TSC22D1: variants seen among roughly 807,000 people sequenced by gnomAD.
The protein encoded by TSC22D1 is TSC22 domain family member 1, also known as TSC22 domain family protein 1.
In TSC22D1, 9 loss-of-function variants were observed where a neutral mutation model predicts 74.2. The ratio of observed to expected loss-of-function variants is 0.12; its 90% CI spans 0.07 to 0.21. TSC22D1 has a LOEUF of 0.21. TSC22D1 is among the 10% of genes least tolerant of loss of function. The pLI, the probability that TSC22D1 is intolerant of heterozygous loss-of-function variation, is 1.00. For missense variants in TSC22D1, 1,427 were observed against 1,304.7 expected, an observed-to-expected ratio of 1.09 and a Z score of -1.44; for synonymous variants, 586 against 492.5, an observed-to-expected ratio of 1.19 and a Z score of -2.51.
intron 1 of TSC22D1, among the ~76,000 whole-genome samples, chr13:44,447,533 C>T (rs558055602): frequency 2.0e-5 from 3 of 151,816 alleles, no homozygotes; most frequent in East Asian, 1.9e-4. Flanking sequence ...CTCATATTAG[C>T]GTTAAAAGAT....
chr13:44,435,294 C>T (rs1051315948), intron 2 of TSC22D1: 2 of 168,418 alleles, frequency 1.2e-5, no homozygotes, highest in East Asian at 3.4e-4. Flanking sequence ...CAGTTCCTAC[C>T]GAACATGTTG....
intron 1 of TSC22D1, among the ~76,000 whole-genome samples, chr13:44,469,347 A>C (rs1877467351): frequency 6.6e-6 from 1 of 152,236 alleles, no homozygotes; most frequent in African/African-American, 2.4e-5. Flanking sequence ...AAAGTATTTA[A>C]ATTGTGGGCT....
chr13:44,488,956 A>G (rs138785510), intron 1 of TSC22D1, among the ~76,000 whole-genome samples: 13 of 152,214 alleles, frequency 8.5e-5, no homozygotes, highest in Admixed American at 2.0e-4. Context: ...TTTGTATGGA[A>G]GACCCCACAA....
At chr13:44,529,743 AG>A (rs1274787295) in intron 1 of TSC22D1, among the ~76,000 whole-genome samples, 2 of 152,152 alleles carry the variant, frequency 1.3e-5, no homozygotes, top group African/African-American at 2.4e-5. Flanking sequence ...GAAGAATATA[AG>A]GTTAGTACAC....
At chr13:44,476,370 AAATT>A (rs1162227160) in intron 1 of TSC22D1, among the ~76,000 whole-genome samples, 1 of 152,146 alleles carries the variant, frequency 6.6e-6, no homozygotes, top group Non-Finnish European at 1.5e-5. Flanking sequence ...ACAATTATAT[AAATT>A]ATTTGTAACT....
chr13:44,545,987 A>T (rs1264587832), intron 1 of TSC22D1, among the ~76,000 whole-genome samples: 1 of 151,120 alleles, frequency 6.6e-6, no homozygotes. Flanking sequence ...AAAAAAAAAA[A>T]TAAATAAATA....
chr13:44,554,357 A>C (rs1165058096), intron 1 of TSC22D1, among the ~76,000 whole-genome samples: 1 of 152,238 alleles, frequency 6.6e-6, no homozygotes, highest in Non-Finnish European at 1.5e-5. Flanking sequence ...TCGATAGTCC[A>C]GATGCATCAA....
chr13:44,449,385 T>TG (rs1875944017), intron 1 of TSC22D1, among the ~76,000 whole-genome samples: 1 of 152,212 alleles, frequency 6.6e-6, no homozygotes, highest in African/African-American at 2.4e-5. Flanking sequence ...GACAGTTCCT[T>TG]GCAAAGCCCT....
intron 1 of TSC22D1, among the ~76,000 whole-genome samples, chr13:44,458,666 GGCTTGGAAGGGCCCGAT>G (rs1876814033): frequency 6.6e-6 from 1 of 152,186 alleles, no homozygotes; most frequent in Non-Finnish European, 1.5e-5. Flanking sequence ...TTCCCCCACA[GGCTTGGAAGGGCCCGAT>G]CCTGCTCTCT....
chr13:44,563,529 C>A (rs575701539), intron 1 of TSC22D1, among the ~76,000 whole-genome samples: 1 of 152,292 alleles, frequency 6.6e-6, no homozygotes, highest in South Asian at 2.1e-4. Context: ...ATCATTAACT[C>A]CCCAATTCAA....
Position 44,573,909 on chromosome 13 carries a change from A to G in TSC22D1, c.2166T>C (p.Ala722=), listed in dbSNP as rs1233096077. ...TTGCAATCTGACTGCCAGTAGGTAC[A>G]GCAGACACTGCTGCCGGAGCCTGGC... The part of the protein sequence containing the change: ...PVGQAPAAVS[A]VPTGSQIANI... The change falls in exon 1 of 3, where the codon GCT becomes GCC. Residue 722 remains alanine, a synonymous_variant. Transcript: ENST00000458659. 3 of 1,614,188 alleles carry G rather than the reference A, an allele frequency of 1.9e-6. No homozygotes were observed. The highest frequency in any genetic ancestry group is 2.5e-6 in the Non-Finnish European group (3 of 1,180,044).
chr13:44,444,193 C>T (rs373836881), intron 1 of TSC22D1, among the ~76,000 whole-genome samples: 32 of 134,452 alleles, frequency 2.4e-4, no homozygotes, highest in African/African-American at 6.0e-4. Flanking sequence ...GCAGGAGAAT[C>T]GCTTGAACCT....
intron 1 of TSC22D1, among the ~76,000 whole-genome samples, chr13:44,553,420 T>G (rs192690077): frequency 6.6e-6 from 1 of 152,302 alleles, no homozygotes; most frequent in Non-Finnish European, 1.5e-5. Context: ...AAAATCCAGT[T>G]CAATGAATGT....
At chr13:44,487,341 A>G (rs779813504) in intron 1 of TSC22D1, among the ~76,000 whole-genome samples, 1 of 151,802 alleles carries the variant, frequency 6.6e-6, no homozygotes, top group Non-Finnish European at 1.5e-5. Flanking sequence ...TCTACTAAAA[A>G]TACAAAAATT....
intron 1 of TSC22D1, among the ~76,000 whole-genome samples, chr13:44,540,690 C>A (rs1312688752): frequency 2.0e-4 from 30 of 151,892 alleles, no homozygotes; most frequent in Non-Finnish European, 4.4e-5. Context: ...TAAGATATAC[C>A]CAAATTATAG....
At chr13:44,519,878 A>G (rs897857158) in intron 1 of TSC22D1, among the ~76,000 whole-genome samples, 6 of 152,156 alleles carry the variant, frequency 3.9e-5, no homozygotes, top group African/African-American at 1.4e-4. Context: ...GGACTAGATG[A>G]TGGATTATGG....
chr13:44,436,311 T>A (rs1874620120), intron 1 of TSC22D1: 2 of 928,110 alleles, frequency 2.2e-6, no homozygotes, highest in South Asian at 1.7e-5. Context: ...AGGACTAAAT[T>A]ACATAATGTG....
rs915541914 is a variant in TSC22D1, at chr13:44,537,754, T to C, written c.2912+35409A>G. On this transcript the variant is annotated intron_variant, in intron 1 of 2. Transcript: ENST00000458659. ...CCTTTAAACTTACTTTTAAATACTA[T>C]ACTTAACAAAAATTTATTTATAATT... is the stretch of plus-strand genomic sequence containing the variant. The C allele has an allele frequency of 5.1e-6, 5 of 980,834 alleles. No homozygotes were observed. In the African/African-American group the frequency reaches 8.8e-5, roughly 17 times the overall value. The allele number at this position is 980,834 out of a possible 1,614,324, so 60.8% of individuals were successfully genotyped here. A position where few individuals can be genotyped will look rare whatever the true frequency, so the allele number is the denominator to read the frequency against.
In TSC22D1 at chr13:44,574,608, C is replaced by G. The variant is rs1429206361; in HGVS notation, c.1467G>C (p.Met489Ile). The G allele has an allele frequency of 6.2e-7, 1 of 1,614,042 alleles. No homozygotes were observed. The highest frequency in any genetic ancestry group is 1.7e-5 in the Admixed American group (1 of 60,018). The change falls in exon 1 of 3, where the codon ATG (methionine) becomes ATC (isoleucine). Residue 489 changes from methionine (M) to isoleucine (I), a missense_variant. Physicochemically the swap from Met to Ile is conservative, Grantham distance 10. Coordinates refer to ENST00000458659, the MANE Select transcript of TSC22D1 (RefSeq NM_183422.4). ...GCTGCACCACCACAGTAGGGGCTCCCATCTCTCCACTTCCCACACTCTCTG... is the reference window on the plus strand; with the variant it reads ...GCTGCACCACCACAGTAGGGGCTCCGATCTCTCCACTTCCCACACTCTCTG... ...HYTESVGSGE[M>I]GAPTVVVQQQ...
Sources: allele counts gnomAD v4.1 joint callset (sites outside exome capture counted in the v4.1 genomes callset), GRCh38; gene constraint gnomAD v4.1.1; transcripts MANE v1.5; gene names NCBI Gene and HGNC (gene_info 2026-07-23, HGNC 2026-07-21).